TARS3: variants seen among roughly 807,000 people sequenced by gnomAD.
TARS3 encodes threonyl-tRNA synthetase 3.
In TARS3, 94 loss-of-function variants were observed where a neutral mutation model predicts 103.5. That is an observed-to-expected ratio of 0.91 (90% CI 0.77 to 1.08). TARS3 has a LOEUF of 1.08. Among genes scored for constraint, TARS3 ranks in the 50% least tolerant of loss-of-function variants. The probability of loss-of-function intolerance (pLI) is 0.00; values close to 1 mark genes in which losing one functional copy is unlikely to be tolerated. For missense variants in TARS3, 952 were observed against 995.2 expected (o/e 0.96, Z 0.58); for synonymous variants, 416 against 355.4 (o/e 1.17, Z -1.92).
chr15:101,697,840 C>T lies in TARS3; in HGVS notation c.1320+3246G>A, dbSNP rs116102280. Among the ~76,000 whole-genome samples the T allele has an allele frequency of 3.5e-3, 537 of 152,280 alleles. 7 individuals carry two copies. The highest frequency in any genetic ancestry group is 0.012 in the African/African-American group (512 of 41,558). On this transcript the variant is annotated intron_variant, in intron 10 of 18. Coordinates refer to ENST00000335968, the MANE Select transcript of TARS3 (RefSeq NM_152334.3). ...GACTCTGCAGTGTACTATTGTCTCA[C>T]AGTAGCCTCCCAGGCAAAGAAGGAT...
chr15:101,686,885 A>T (rs1035159115), intron 10 of TARS3, among the ~76,000 whole-genome samples: 2 of 151,778 alleles, frequency 1.3e-5, no homozygotes, highest in African/African-American at 2.4e-5. Context: ...ATCTGGCCCA[A>T]ATCTAGAATG....
intron 10 of TARS3, among the ~76,000 whole-genome samples, chr15:101,700,667 T>C (rs1899223664): frequency 1.3e-5 from 2 of 151,464 alleles, no homozygotes; most frequent in African/African-American, 4.9e-5. Flanking sequence ...TTCTTTGAGA[T>C]GGAGTCTTGC....
chr15:101,718,659 C>G (rs1174470027), intron 3 of TARS3, among the ~76,000 whole-genome samples: 1 of 152,100 alleles, frequency 6.6e-6, no homozygotes, highest in African/African-American at 2.4e-5. Context: ...AGAGTGCCTC[C>G]CTCCCACAAG....
At chr15:101,708,024 A>C (rs761450934) in intron 6 of TARS3, among the ~76,000 whole-genome samples, 1 of 152,102 alleles carries the variant, frequency 6.6e-6, no homozygotes, top group Non-Finnish European at 1.5e-5. Flanking sequence ...GGGGTAGATC[A>C]CTTGAGGTCA....
At chr15:101,683,132 T>C (rs1452904087) in intron 12 of TARS3, among the ~76,000 whole-genome samples, 2 of 152,186 alleles carry the variant, frequency 1.3e-5, no homozygotes, top group African/African-American at 2.4e-5. Flanking sequence ...CTCTTTCTTA[T>C]TTTCTTTCTT....
chr15:101,677,624 G>C (rs1898082817), intron 12 of TARS3, among the ~76,000 whole-genome samples: 1 of 151,860 alleles, frequency 6.6e-6, no homozygotes, highest in Non-Finnish European at 1.5e-5. Flanking sequence ...TCAGCCTCCT[G>C]AGTAGCTGGG....
intron 10 of TARS3, chr15:101,699,387 C>T (rs1899141919): frequency 2.2e-6 from 1 of 455,714 alleles, no homozygotes; most frequent in East Asian, 6.9e-5. Context: ...GTTTGGTGAC[C>T]CTCACAATCA....
intron 3 of TARS3, among the ~76,000 whole-genome samples, chr15:101,718,271 G>C (rs1412324760): frequency 6.6e-6 from 1 of 152,140 alleles, no homozygotes; most frequent in Admixed American, 6.5e-5. Flanking sequence ...GGGAGGCTGA[G>C]GCAGGAGAAT....
At chr15:101,661,286 G>A (rs961094342) in intron 16 of TARS3, among the ~76,000 whole-genome samples, 15 of 151,638 alleles carry the variant, frequency 9.9e-5, no homozygotes, top group African/African-American at 3.6e-4. Flanking sequence ...TTCCTCCTCA[G>A]TGGCTGTAGG....
intron 12 of TARS3, among the ~76,000 whole-genome samples, chr15:101,680,080 A>C (rs1262400122): frequency 6.6e-6 from 1 of 152,170 alleles, no homozygotes; most frequent in African/African-American, 2.4e-5. Flanking sequence ...GTCTTCACTG[A>C]CACTGCTGGG....
chr15:101,684,753 A>G lies in TARS3; in HGVS notation c.1488-516T>C, dbSNP rs553668225. Among the ~76,000 whole-genome samples, 12 of 152,242 alleles carry G rather than the reference A, an allele frequency of 7.9e-5. No homozygotes were observed. The East Asian group carries it at 1.7e-3, about 22-fold the overall frequency. On this transcript the variant is annotated intron_variant, in intron 11 of 18. Transcript: ENST00000335968. ...CTCCAAGCACAAAAAGCACTCAACT[A>G]TGTTCTCTGTTGAATGAAAGACTTC...
intron 10 of TARS3, among the ~76,000 whole-genome samples, chr15:101,690,495 C>T (rs1898667289): frequency 1.3e-5 from 2 of 152,190 alleles, no homozygotes; most frequent in Non-Finnish European, 2.9e-5. Flanking sequence ...CATGACTGTG[C>T]AAACACAAAA....
chr15:101,685,809 T>C lies in TARS3; in HGVS notation c.1487+87A>G, dbSNP rs891672326. ...ACCACTCTTCAGATTAAAGGGACTC[T>C]TTCATTCCACAAAGCATTAAAAGAT... On this transcript the variant is annotated intron_variant, in intron 11 of 18. Transcript: ENST00000335968. 3 of 1,151,362 alleles carry C rather than the reference T, an allele frequency of 2.6e-6. No homozygotes were observed. In the Admixed American group the frequency reaches 7.6e-5, roughly 29 times the overall value. The allele number at this position is 1,151,362 out of a possible 1,614,324, so 71.3% of individuals were successfully genotyped here.
chr15:101,711,048 G>C (rs1596324615), intron 5 of TARS3, among the ~76,000 whole-genome samples: 1 of 152,264 alleles, frequency 6.6e-6, no homozygotes, highest in East Asian at 1.9e-4. Flanking sequence ...AAGCATCTGT[G>C]ACACATCCCT....
chr15:101,655,221 C>T (rs1470788108), intron 18 of TARS3, among the ~76,000 whole-genome samples: 4 of 125,326 alleles, frequency 3.2e-5, no homozygotes, highest in African/African-American at 9.3e-5. Context: ...CAGGCTCACA[C>T]TGACCCCACC....
Position 101,703,934 on chromosome 15 carries a change from G to C in TARS3, c.999C>G (p.Cys333Trp), listed in dbSNP as rs370230142. The change falls in exon 8 of 19, where the codon TGC (cysteine) becomes TGG (tryptophan). Residue 333 changes from cysteine (C) to tryptophan (W), a missense_variant. Cys to Trp is a radical substitution (Grantham distance 215). Around this residue, in one of 2 missense-constraint regions of TARS3, gnomAD observed 540 missense variants for 631.0 expected, o/e 0.86. Coordinates refer to ENST00000335968, the MANE Select transcript of TARS3 (RefSeq NM_152334.3). ...CTTTGCAAAGGTCAATTAATGGACC[G>C]CACCTATAATGAAATATTTAGGACA... ...VNTATTTVYR[C>W]GPLIDLCKGP... 5 of 1,609,004 alleles carry C rather than the reference G, an allele frequency of 3.1e-6. No homozygotes were observed. In the South Asian group the frequency reaches 5.5e-5, roughly 18 times the overall value.
At chr15:101,693,944 T>C (rs1257294605) in intron 10 of TARS3, among the ~76,000 whole-genome samples, 1 of 152,198 alleles carries the variant, frequency 6.6e-6, no homozygotes, top group East Asian at 1.9e-4. Flanking sequence ...GGAACTGTTC[T>C]GTATCTTGAT....
At chr15:101,721,884 C>T (rs1385152375) in intron 2 of TARS3, among the ~76,000 whole-genome samples, 4 of 151,920 alleles carry the variant, frequency 2.6e-5, no homozygotes, top group Non-Finnish European at 4.4e-5. Flanking sequence ...GTTTTTCACT[C>T]AGTACAGTAT....
chr15:101,719,427 AG>A (rs1055608817), intron 3 of TARS3, among the ~76,000 whole-genome samples: 1 of 152,216 alleles, frequency 6.6e-6, no homozygotes, highest in Non-Finnish European at 1.5e-5. Flanking sequence ...AGATGTTGAA[AG>A]AAGAGTACCC....
Sources: allele counts gnomAD v4.1 joint callset (sites outside exome capture counted in the v4.1 genomes callset), GRCh38; gene constraint gnomAD v4.1.1; regional missense constraint gnomAD v4.1.1; transcripts MANE v1.5; gene names NCBI Gene and HGNC (gene_info 2026-07-23, HGNC 2026-07-21).